The following NAV1 variants were observed in gnomAD, a reference collection of about 807,000 sequenced individuals.
NAV1 encodes pore membrane and/or filament interacting like protein 3.
NAV1 carries 18 observed loss-of-function variants against 175.2 expected under a neutral mutation model. That is an observed-to-expected ratio of 0.10 (90% confidence interval 0.07 to 0.15). NAV1 has a LOEUF of 0.15. Ranked by LOEUF, NAV1 falls within the 10% of genes least tolerant of loss-of-function variation. NAV1 has a pLI of 1.00. For synonymous variants in NAV1, 897 were observed against 978.7 expected, an observed-to-expected ratio of 0.92 and a Z score of 1.56; for missense variants, 1,731 against 2,436.6, an observed-to-expected ratio of 0.71 and a Z score of 6.10.
intron 1 of NAV1, among the ~76,000 whole-genome samples, chr1:201,542,229 G>A (rs778797892): frequency 1.2e-4 from 19 of 152,172 alleles, no homozygotes; most frequent in Non-Finnish European, 2.2e-4. Flanking sequence ...TCTTCCTAGC[G>A]TTTCCATCTC....
intron 1 of NAV1, among the ~76,000 whole-genome samples, chr1:201,583,011 G>T (rs185999356): frequency 6.6e-6 from 1 of 152,254 alleles, no homozygotes; most frequent in African/African-American, 2.4e-5. Flanking sequence ...CTGTGTATAC[G>T]GGATCCCTCA....
chr1:201,540,238 GGTGA>G (rs1340174943), intron 1 of NAV1, among the ~76,000 whole-genome samples: 1 of 152,172 alleles, frequency 6.6e-6, no homozygotes, highest in African/African-American at 2.4e-5. Flanking sequence ...AAAATCAGCT[GGTGA>G]GTCAATGGGA....
chr1:201,774,056 G>A (rs1185280954), intron 3 of NAV1, among the ~76,000 whole-genome samples: 1 of 152,154 alleles, frequency 6.6e-6, no homozygotes, highest in Non-Finnish European at 1.5e-5. Flanking sequence ...AGATTATACA[G>A]GGTTATTGAG....
chr1:201,720,196 G>T lies in NAV1; in HGVS notation c.1226+1441G>T, dbSNP rs182155245. On this transcript the variant is annotated intron_variant, in intron 3 of 29. Coordinates refer to ENST00000367296, the Ensembl canonical transcript of NAV1. ...GGTGTGTGAGGAGCTGCTCCACACA[G>T]CCTCTGCCCTAGGAAGCTGCCAGGG... Among the ~76,000 whole-genome samples, 596 of 152,272 alleles carry T rather than the reference G, an allele frequency of 3.9e-3. 3 individuals are homozygous for T. Among genetic ancestry groups the T allele is most frequent in the African/African-American group, 0.014 (562 of 41,568 alleles).
intron 3 of NAV1, among the ~76,000 whole-genome samples, chr1:201,735,772 T>G (rs761604889): frequency 2.6e-5 from 4 of 152,228 alleles, no homozygotes; most frequent in Admixed American, 6.5e-5. Context: ...AATTATTTTC[T>G]TAGACATCTG....
intron 1 of NAV1, among the ~76,000 whole-genome samples, chr1:201,680,164 G>C (rs1670405453): frequency 6.6e-6 from 1 of 152,172 alleles, no homozygotes. Context: ...AGGTGAACGG[G>C]GAGCGGGTGT....
chr1:201,585,768 C>G (rs534222337), intron 1 of NAV1, among the ~76,000 whole-genome samples: 1 of 152,184 alleles, frequency 6.6e-6, no homozygotes, highest in Admixed American at 6.5e-5. Flanking sequence ...GAGATACTAC[C>G]TCACACCCAA....
intron 3 of NAV1, among the ~76,000 whole-genome samples, chr1:201,764,600 G>A (rs568592051): frequency 1.3e-5 from 2 of 152,154 alleles, no homozygotes; most frequent in African/African-American, 2.4e-5. Context: ...ATACACTTGG[G>A]GGGAACATAA....
intron 3 of NAV1, among the ~76,000 whole-genome samples, chr1:201,742,576 A>G (rs4950846): frequency 0.57 from 85,931 of 151,900 alleles, 24,577 homozygotes; most frequent in Admixed American, 0.67. Context: ...TCTTCCAAGC[A>G]TGAAGTCCAG....
Position 201,793,892 on chromosome 1 carries a change from AGGGTGGGAG to A in NAV1, c.3405+25_3405+33del. On this transcript the variant is annotated intron_variant, in intron 14 of 29. Transcript: ENST00000367296. ...GAGGAGAAGGTGAGAGGCCTGGGAA[AGGGTGGGAG>A]GGGTGGGTGCGGCGAGGGGGTTCTC... 6.7e-5 allele frequency: 22 copies of A among 330,522 alleles called. No individual in the cohort carries two copies. Among genetic ancestry groups the A allele is most frequent in the Non-Finnish European group, 1.2e-4 (20 of 164,788 alleles). The allele number at this position is 330,522 out of a possible 1,614,324, so 20.5% of individuals were successfully genotyped here. A position where few individuals can be genotyped will look rare whatever the true frequency, so the allele number is the denominator to read the frequency against.
At chr1:201,658,315 C>T (rs1268966734) in intron 1 of NAV1, among the ~76,000 whole-genome samples, 4 of 151,904 alleles carry the variant, frequency 2.6e-5, no homozygotes, top group African/African-American at 9.7e-5. Flanking sequence ...CAGCATGCTG[C>T]GAAGAAGCCA....
Position 201,718,547 on chromosome 1 carries a change from G to A in NAV1, c.1018G>A (p.Glu340Lys). The change falls in exon 3 of 30, where the codon GAG becomes AAG. Residue 340 changes from glutamate (E) to lysine (K), a missense_variant. Around this residue, in one of 13 missense-constraint regions of NAV1, gnomAD observed 487 missense variants for 581.3 expected, o/e 0.84. Coordinates refer to ENST00000367296, the Ensembl canonical transcript of NAV1. The surrounding 1 kb of genome is among the most constrained non-coding windows in gnomAD (Gnocchi z 4.8). ...CTCTGTGGGTGGGAGCTGCCGCTCGGAGGGGACGCCCGCCTGGTACATGCA... is the reference window on the plus strand; with the variant it reads ...CTCTGTGGGTGGGAGCTGCCGCTCGAAGGGGACGCCCGCCTGGTACATGCA... 6.2e-7 allele frequency: 1 copy of A among 1,613,386 alleles called. No individual in the cohort carries two copies. The highest frequency in any genetic ancestry group is 8.5e-7 in the Non-Finnish European group (1 of 1,179,666).
At chr1:201,772,320 T>G (rs755027507) in intron 3 of NAV1, among the ~76,000 whole-genome samples, 65 of 152,222 alleles carry the variant, frequency 4.3e-4, no homozygotes, top group Non-Finnish European at 8.1e-4. Context: ...TTATGTCCAC[T>G]GATGTCAGAT....
intron 2 of NAV1, among the ~76,000 whole-genome samples, chr1:201,629,755 A>C (rs1465201495): frequency 6.6e-6 from 1 of 152,180 alleles, no homozygotes; most frequent in Non-Finnish European, 1.5e-5. Flanking sequence ...GAGTCACTGC[A>C]TGTGTGTGTC....
At chr1:201,639,306 T>C (rs1444924934) in intron 2 of NAV1, among the ~76,000 whole-genome samples, 1 of 152,172 alleles carries the variant, frequency 6.6e-6, no homozygotes, top group Non-Finnish European at 1.5e-5. Flanking sequence ...TGTCCTTTCC[T>C]GGGAAGCCAG....
intron 3 of NAV1, among the ~76,000 whole-genome samples, chr1:201,734,395 C>G (rs928268716): frequency 1.4e-5 from 2 of 147,354 alleles, no homozygotes; most frequent in Admixed American, 6.9e-5. Flanking sequence ...GGTGACAGAG[C>G]AAGACCCTGT....
At chr1:201,550,501 A>G (rs1665825902) in intron 1 of NAV1, among the ~76,000 whole-genome samples, 1 of 152,214 alleles carries the variant, frequency 6.6e-6, no homozygotes, top group African/African-American at 2.4e-5. Flanking sequence ...GTATTTGGTT[A>G]TCAGCAATTC....
intron 28 of NAV1, 47 bp from the exon 33 acceptor site, chr1:201,817,041 C>T (rs1273417820): frequency 6.3e-7 from 1 of 1,575,582 alleles, no homozygotes; most frequent in Admixed American, 1.7e-5. Context: ...GAACAAGCCT[C>T]TAATCTGTTA....
chr1:201,783,219 C>A (rs1343176448), intron 6 of NAV1, among the ~76,000 whole-genome samples, 187 bp from the exon 11 acceptor site: 1 of 152,202 alleles, frequency 6.6e-6, no homozygotes, highest in Admixed American at 6.5e-5. Flanking sequence ...GGCCCCTTAT[C>A]TAAGCTGAAT....
Sources: gnomAD v4.1 joint callset for allele counts (sites outside exome capture counted in the v4.1 genomes callset) on GRCh38, gnomAD v4.1.1 for gene constraint, gnomAD v4.1.1 regional missense constraint, Gnocchi (gnomAD v3.1) non-coding constraint, MANE v1.5 for transcripts, NCBI Gene and HGNC (gene_info 2026-07-23, HGNC 2026-07-21) for gene names.